Variants in NELL1 observed in about 807,000 individuals in gnomAD.
NELL1 encodes neural EGFL like 1, also known as protein kinase C-binding protein NELL1.
NELL1 carries 76 observed loss-of-function variants against 107.4 expected under a neutral mutation model. The observed-to-expected ratio is 0.71, with a 90% CI of 0.59 to 0.86. NELL1 has a LOEUF of 0.86. Among genes scored for constraint, NELL1 ranks in the 40% least tolerant of loss-of-function variants. The pLI, the probability that NELL1 is intolerant of heterozygous loss-of-function variation, is 0.00. For synonymous variants in NELL1, 353 were observed against 341.2 expected, an observed-to-expected ratio of 1.03 and a Z score of -0.38; for missense variants, 1,024 against 1,005.5, an observed-to-expected ratio of 1.02 and a Z score of -0.25.
chr11:20,764,342 G>T (rs759239736), intron 2 of NELL1, among the ~76,000 whole-genome samples: 11 of 152,260 alleles, frequency 7.2e-5, no homozygotes, highest in Middle Eastern at 3.4e-3. Context: ...ATTTCTTAGG[G>T]TATGTCAAAT....
chr11:20,695,911 T>TA (rs1428967688), intron 2 of NELL1, among the ~76,000 whole-genome samples: 1 of 151,972 alleles, frequency 6.6e-6, no homozygotes, highest in African/African-American at 2.4e-5. Flanking sequence ...CCTGGGCTTT[T>TA]TTTTTGGTAG....
chr11:21,331,991 T>A (rs868204208), intron 14 of NELL1, among the ~76,000 whole-genome samples: 1 of 152,172 alleles, frequency 6.6e-6, no homozygotes, highest in African/African-American at 2.4e-5. Flanking sequence ...TAAGTTTGGT[T>A]CGTGTCAGTC....
chr11:21,415,408 G>A (rs138071317), intron 15 of NELL1, among the ~76,000 whole-genome samples: 1 of 152,142 alleles, frequency 6.6e-6, no homozygotes, highest in East Asian at 1.9e-4. Flanking sequence ...GAATTTCTCA[G>A]TATGAGGTTG....
intron 13 of NELL1, among the ~76,000 whole-genome samples, chr11:21,150,525 G>A (rs1461104605): frequency 2.0e-5 from 3 of 152,174 alleles, no homozygotes; most frequent in Non-Finnish European, 4.4e-5. Flanking sequence ...GGCAGTGGGG[G>A]TGGGTGAGCC....
chr11:21,510,504 C>T (rs745333187), intron 15 of NELL1, among the ~76,000 whole-genome samples: 1 of 152,130 alleles, frequency 6.6e-6, no homozygotes, highest in Non-Finnish European at 1.5e-5. Flanking sequence ...GAAAAATAAA[C>T]ATTTGTTGAG....
chr11:20,784,177 C>T (rs1239889998), intron 3 of NELL1, among the ~76,000 whole-genome samples: 1 of 152,140 alleles, frequency 6.6e-6, no homozygotes, highest in East Asian at 1.9e-4. Context: ...TTATACTTGA[C>T]ACTGGGAATA....
At chr11:21,133,318 C>T (rs1407913997) in intron 13 of NELL1, among the ~76,000 whole-genome samples, 1 of 152,118 alleles carries the variant, frequency 6.6e-6, no homozygotes, top group African/African-American at 2.4e-5. Context: ...AGATAAAGCA[C>T]CGAAAGTTTT....
intron 12 of NELL1, among the ~76,000 whole-genome samples, chr11:21,069,384 C>T (rs915714219): frequency 6.6e-6 from 1 of 152,148 alleles, no homozygotes; most frequent in African/African-American, 2.4e-5. Context: ...CAGTATCATC[C>T]ATTTACAGTG....
chr11:21,104,537 G>A (rs551067897), intron 12 of NELL1, among the ~76,000 whole-genome samples: 2 of 152,310 alleles, frequency 1.3e-5, no homozygotes, highest in Admixed American at 1.3e-4. Context: ...AAAAATGTCA[G>A]CAATCCAACA....
At chr11:20,779,804 T>G (rs1590286666) in intron 2 of NELL1, among the ~76,000 whole-genome samples, 1 of 152,198 alleles carries the variant, frequency 6.6e-6, no homozygotes, top group East Asian at 1.9e-4. Flanking sequence ...ATGTCAAGAC[T>G]AGGAAAGAAC....
At chr11:20,777,822 T>G (rs1229932052) in intron 2 of NELL1, among the ~76,000 whole-genome samples, 1 of 76,062 alleles carries the variant, frequency 1.3e-5, no homozygotes, top group Non-Finnish European at 2.4e-5. Context: ...CCTTGGTGCA[T>G]TTTTTGTTTA....
Position 21,573,325 on chromosome 11 carries a change from T to TTGCC in NELL1, c.2301_2304dup (p.Asp769ProfsTer10). The TTGCC allele has an allele frequency of 6.2e-7, 1 of 1,612,534 alleles. No individual in the cohort carries two copies. The highest frequency in any genetic ancestry group is 8.5e-7 in the Non-Finnish European group (1 of 1,179,026). On this transcript the variant is annotated frameshift_variant, in exon 19 of 20. Coordinates refer to ENST00000357134, the MANE Select transcript of NELL1 (RefSeq NM_006157.5). LOFTEE classifies it high-confidence loss of function. Reference sequence around the variant, plus strand: ...ACATCACCTATGACATCAGAAAAACTTGCCTGGACAGCTATGGTGTTTCAC... The same window carrying TTGCC: ...ACATCACCTATGACATCAGAAAAACTTGCCTGCCTGGACAGCTATGGTGTTTCAC...
chr11:21,176,437 G>A (rs1856714114), intron 13 of NELL1, among the ~76,000 whole-genome samples: 1 of 151,810 alleles, frequency 6.6e-6, no homozygotes, highest in African/African-American at 2.4e-5. Context: ...CTACATCATG[G>A]GCAGGGGGAG....
chr11:20,738,226 G>T (rs1487365860), intron 2 of NELL1, among the ~76,000 whole-genome samples: 1 of 152,144 alleles, frequency 6.6e-6, no homozygotes, highest in Non-Finnish European at 1.5e-5. Context: ...AAGCCCTGGT[G>T]GGTGGGGGGA....
intron 4 of NELL1, among the ~76,000 whole-genome samples, chr11:20,878,176 C>CGGTG (rs996749957): frequency 1.3e-5 from 2 of 151,652 alleles, no homozygotes; most frequent in African/African-American, 4.8e-5. Flanking sequence ...CTGGCTAACA[C>CGGTG]GGTGAAAACC....
chr11:21,040,169 T>C (rs1853194936), intron 12 of NELL1, among the ~76,000 whole-genome samples: 1 of 151,416 alleles, frequency 6.6e-6, no homozygotes, highest in African/African-American at 2.4e-5. Flanking sequence ...ACACACTATA[T>C]ATGTGTGTGT....
chr11:21,230,414 T>C (rs1858017298), intron 14 of NELL1, among the ~76,000 whole-genome samples: 1 of 152,168 alleles, frequency 6.6e-6, no homozygotes, highest in South Asian at 2.1e-4. Flanking sequence ...GCATTTAGAG[T>C]GTGACTTGCA....
chr11:20,903,956 G>T (rs1849935184), intron 5 of NELL1, among the ~76,000 whole-genome samples: 1 of 152,092 alleles, frequency 6.6e-6, no homozygotes, highest in Non-Finnish European at 1.5e-5. Context: ...TAACCCAGTG[G>T]CAGTCCTGAA....
At chr11:21,083,620 A>T (rs551770196) in intron 12 of NELL1, among the ~76,000 whole-genome samples, 45 of 152,136 alleles carry the variant, frequency 3.0e-4, no homozygotes, top group Non-Finnish European at 6.3e-4. Flanking sequence ...CTTGTCAGCC[A>T]CTGGGAAGAC....
Sources: gnomAD v4.1 joint callset for allele counts (sites outside exome capture counted in the v4.1 genomes callset) on GRCh38, gnomAD v4.1.1 for gene constraint, MANE v1.5 for transcripts, NCBI Gene and HGNC (gene_info 2026-07-23, HGNC 2026-07-21) for gene names.